The following RPH3A variants were observed in gnomAD, a reference collection of about 807,000 sequenced individuals.
RPH3A encodes the protein rabphilin 3A.
Under a neutral mutation model 102.2 loss-of-function variants are expected in RPH3A, and 48 were observed. That is an observed-to-expected ratio of 0.47 (90% CI 0.37 to 0.60). RPH3A has a LOEUF of 0.60. Ranked by LOEUF, RPH3A falls within the 20% of genes least tolerant of loss-of-function variation. RPH3A has a pLI of 0.00. For synonymous variants in RPH3A, 310 were observed against 324.3 expected (o/e 0.96, Z 0.47); for missense variants, 781 against 910.1 (o/e 0.86, Z 1.83).
chr12:112,833,982 C>T (rs1272166885), intron 3 of RPH3A, among the ~76,000 whole-genome samples: 1 of 152,122 alleles, frequency 6.6e-6, no homozygotes, highest in Non-Finnish European at 1.5e-5. Flanking sequence ...CCAGCCCTGG[C>T]CTCCCAAAAT....
At chr12:112,822,272 G>A (rs1458305446) in intron 2 of RPH3A, among the ~76,000 whole-genome samples, 1 of 152,200 alleles carries the variant, frequency 6.6e-6, no homozygotes, top group Non-Finnish European at 1.5e-5. Flanking sequence ...GTTGGGATAG[G>A]GAGGCCAACT....
intron 2 of RPH3A, among the ~76,000 whole-genome samples, chr12:112,799,345 G>A (rs1363820661): frequency 6.6e-6 from 1 of 152,178 alleles, no homozygotes; most frequent in Non-Finnish European, 1.5e-5. Flanking sequence ...CTGTGGTTGT[G>A]CCACTGTACT....
intron 1 of RPH3A, among the ~76,000 whole-genome samples, chr12:112,641,809 T>C (rs1592921758): frequency 1.3e-5 from 2 of 152,222 alleles, no homozygotes; most frequent in East Asian, 3.8e-4. Flanking sequence ...GGTAGAAGTG[T>C]AGCTTCTTTC....
chr12:112,639,673 C>G (rs562369716), intron 1 of RPH3A, among the ~76,000 whole-genome samples: 7 of 152,266 alleles, frequency 4.6e-5, no homozygotes, highest in Middle Eastern at 3.4e-3. Context: ...CCTCCCCCCA[C>G]AAAGATGCAG....
At chr12:112,677,537 T>C (rs1305446478) in intron 1 of RPH3A, among the ~76,000 whole-genome samples, 1 of 148,668 alleles carries the variant, frequency 6.7e-6, no homozygotes, top group East Asian at 2.0e-4. Flanking sequence ...TGGCATCAAA[T>C]GATCCACCCG....
chr12:112,767,317 C>A (rs967106758), intron 1 of RPH3A, among the ~76,000 whole-genome samples: 1 of 152,118 alleles, frequency 6.6e-6, no homozygotes, highest in Non-Finnish European at 1.5e-5. Flanking sequence ...CCTCTCCTAC[C>A]CCTTATTGTC....
intron 3 of RPH3A, among the ~76,000 whole-genome samples, chr12:112,834,850 G>A (rs938324445): frequency 6.6e-6 from 1 of 151,906 alleles, no homozygotes; most frequent in Non-Finnish European, 1.5e-5. Context: ...AATCCCTTGT[G>A]GATATACATG....
intron 2 of RPH3A, among the ~76,000 whole-genome samples, chr12:112,806,399 C>T (rs1459376352): frequency 6.6e-6 from 1 of 152,146 alleles, no homozygotes; most frequent in Non-Finnish European, 1.5e-5. Context: ...CTTTGGGAGG[C>T]TGAGGTGGGC....
Position 112,802,928 on chromosome 12 carries a change from C to A in RPH3A, c.-19+10665C>A, listed in dbSNP as rs1314523567. On this transcript the variant is annotated intron_variant, in intron 2 of 21. Transcript: ENST00000389385. ...GAATAGATTGGTGAAAGCAGAAAGG[C>A]TCATTTTGTCCTGAACATGCTCAGA... is the stretch of plus-strand genomic sequence containing the variant. 3.9e-5 allele frequency among the ~76,000 whole-genome samples: 6 copies of A among 152,166 alleles called. No homozygotes were observed. The East Asian group carries it at 9.6e-4, about 24-fold the overall frequency.
chr12:112,658,138 T>A (rs1330625040), intron 1 of RPH3A, among the ~76,000 whole-genome samples: 1 of 152,210 alleles, frequency 6.6e-6, no homozygotes, highest in East Asian at 1.9e-4. Context: ...TAGTGGGATC[T>A]GATTTTAAAA....
rs773931202 is a variant in RPH3A at position 112,580,394 on chromosome 12, C to CTTTT, written c.-140+5097_-140+5100dup. ...GACTTAGCAGACACTTTTGTCTTGTCTTTTTTTTTTTTTTTTTTTTTTTTT... is the reference window on the plus strand; with the variant it reads ...GACTTAGCAGACACTTTTGTCTTGTCTTTTTTTTTTTTTTTTTTTTTTTTTTTTT... On this transcript the variant is annotated intron_variant, in intron 1 of 21. Transcript: ENST00000543106. 5.2e-3 allele frequency among the ~76,000 whole-genome samples: 403 copies of CTTTT among 76,952 alleles called. 38 individuals carry two copies. Among genetic ancestry groups the CTTTT allele is most frequent in the East Asian group, 0.032 (60 of 1,852 alleles). The allele number at this position is 76,952 out of a possible 152,430, so 50.5% of individuals were successfully genotyped here. A position where few individuals can be genotyped will look rare whatever the true frequency, so the allele number is the denominator to read the frequency against.
In RPH3A at chr12:112,714,719, G is replaced by A. The variant is rs115493457; in HGVS notation, c.-139-77424G>A. 1.2e-3 allele frequency among the ~76,000 whole-genome samples: 182 copies of A among 152,248 alleles called. 2 individuals are homozygous for A. The highest frequency in any genetic ancestry group is 3.9e-3 in the African/African-American group (163 of 41,532). ...TTTTGTCTCATAGGGCACTTGGATT[G>A]ATTGGAATCGATGGAGTGACGGTTG... On this transcript the variant is annotated intron_variant, in intron 1 of 21. Transcript: ENST00000543106.
chr12:112,576,909 C>CTT lies in RPH3A; in HGVS notation c.-140+1603_-140+1604dup, dbSNP rs3036138. Among the ~76,000 whole-genome samples the CTT allele has an allele frequency of 7.2e-4, 82 of 114,600 alleles. 3 individuals carry two copies. The highest frequency in any genetic ancestry group is 2.4e-3 in the African/African-American group (68 of 28,014). 75.2% of individuals were successfully genotyped at this position (114,600 alleles called of 152,430 possible). On this transcript the variant is annotated intron_variant, in intron 1 of 21. Transcript: ENST00000543106. ...TTCTTTTCTTTTTTTTCTTTTCTTC[C>CTT]TTTTTTTTTTTTTTGAGATAGAGTC...
intron 5 of RPH3A, among the ~76,000 whole-genome samples, chr12:112,857,642 G>A (rs897010804): frequency 1.2e-4 from 18 of 152,172 alleles, no homozygotes; most frequent in Admixed American, 5.2e-4. Context: ...CTCCACTTTA[G>A]CCTTGACCTC....
intron 1 of RPH3A, among the ~76,000 whole-genome samples, chr12:112,597,341 G>T (rs1050107773): frequency 6.6e-6 from 1 of 152,156 alleles, no homozygotes; most frequent in Non-Finnish European, 1.5e-5. Context: ...CCAGCATTTT[G>T]GGGGGCTGAG....
At chr12:112,659,795 C>T (rs1185410137) in intron 1 of RPH3A, among the ~76,000 whole-genome samples, 1 of 152,072 alleles carries the variant, frequency 6.6e-6, no homozygotes, top group Non-Finnish European at 1.5e-5. Flanking sequence ...CTGGTTTGGC[C>T]AGTAGGAGCT....
chr12:112,688,550 C>T (rs923732753), intron 1 of RPH3A, among the ~76,000 whole-genome samples: 2 of 152,018 alleles, frequency 1.3e-5, no homozygotes, highest in Non-Finnish European at 2.9e-5. Context: ...ACACACATAC[C>T]TGTTAAAGCC....
intron 3 of RPH3A, among the ~76,000 whole-genome samples, chr12:112,834,409 C>G (rs1301057246): frequency 2.0e-5 from 3 of 152,352 alleles, no homozygotes; most frequent in East Asian, 3.8e-4. Context: ...TGGGCTAGTA[C>G]AAATAAAACT....
intron 2 of RPH3A, among the ~76,000 whole-genome samples, chr12:112,810,171 T>C (rs1257873979): frequency 2.0e-5 from 3 of 152,214 alleles, no homozygotes; most frequent in Non-Finnish European, 4.4e-5. Flanking sequence ...TTCCTTTCTT[T>C]CCTCAAGAAA....
Sources: allele counts gnomAD v4.1 joint callset (sites outside exome capture counted in the v4.1 genomes callset), GRCh38; gene constraint gnomAD v4.1.1; transcripts MANE v1.5; gene names NCBI Gene and HGNC (gene_info 2026-07-23, HGNC 2026-07-21).